TYR: variants seen among roughly 807,000 people sequenced by gnomAD.
The protein encoded by TYR is LB24-AB.
A neutral mutation model predicts 51.5 loss-of-function variants in TYR; 58 were observed. The observed-to-expected ratio is 1.13, with a 90% confidence interval of 0.91 to 1.40. TYR has a LOEUF of 1.40. Ranked by LOEUF, TYR falls within the 40% of genes most tolerant of loss-of-function variation. TYR has a pLI of 0.00. For synonymous variants in TYR, 263 were observed against 235.2 expected, an observed-to-expected ratio of 1.12 and a Z score of -1.08; for missense variants, 732 against 647.4, an observed-to-expected ratio of 1.13 and a Z score of -1.42.
At chr11:89,248,765 AC>A (rs1944297418) in intron 3 of TYR, among the ~76,000 whole-genome samples, 1 of 152,204 alleles carries the variant, frequency 6.6e-6, no homozygotes, top group Non-Finnish European at 1.5e-5. Flanking sequence ...TTCAAAAGTG[AC>A]ATGGATTACT....
intron 3 of TYR, among the ~76,000 whole-genome samples, chr11:89,267,001 T>C (rs1412344988): frequency 6.6e-6 from 1 of 151,896 alleles, no homozygotes; most frequent in Admixed American, 6.6e-5. Context: ...TCATTCAAAA[T>C]AAAGGAGTTC....
At chr11:89,236,283 G>A (rs1489835386) in intron 3 of TYR, among the ~76,000 whole-genome samples, 2 of 151,584 alleles carry the variant, frequency 1.3e-5, no homozygotes, top group Non-Finnish European at 2.9e-5. Flanking sequence ...GGTTTTTTCT[G>A]TAGCCCACCT....
At chr11:89,260,602 T>C (rs1259156223) in intron 3 of TYR, among the ~76,000 whole-genome samples, 1 of 152,080 alleles carries the variant, frequency 6.6e-6, no homozygotes, top group Admixed American at 6.6e-5. Flanking sequence ...CAGTGACTCA[T>C]CCACCAGAAA....
At chr11:89,187,855 A>G (rs1303719240) in intron 1 of TYR, among the ~76,000 whole-genome samples, 1 of 151,932 alleles carries the variant, frequency 6.6e-6, no homozygotes, top group African/African-American at 2.4e-5. Flanking sequence ...TTATATTTTG[A>G]TAGAGTTTAT....
At chr11:89,243,929 T>C (rs900788300) in intron 3 of TYR, among the ~76,000 whole-genome samples, 1 of 152,142 alleles carries the variant, frequency 6.6e-6, no homozygotes, top group Non-Finnish European at 1.5e-5. Context: ...CAAAAGCATA[T>C]GCATGTATAT....
intron 3 of TYR, among the ~76,000 whole-genome samples, chr11:89,237,454 A>C (rs1431787874): frequency 6.6e-6 from 1 of 152,128 alleles, no homozygotes; most frequent in East Asian, 1.9e-4. Context: ...TATATTGATG[A>C]GCCTATCCAT....
Position 89,212,815 on chromosome 11 carries a change from A to G in TYR, c.1037-15008A>G, listed in dbSNP as rs1943778387. Among the ~76,000 whole-genome samples, 3 of 152,240 alleles carry G rather than the reference A, an allele frequency of 2.0e-5. No homozygotes were observed. The South Asian group carries it at 6.2e-4, about 31-fold the overall frequency. Reference sequence around the variant, plus strand: ...AAATCAATAAATGTAAATCCATCACATAAACAGAACCAACCACAAAAACCA... The same window carrying G: ...AAATCAATAAATGTAAATCCATCACGTAAACAGAACCAACCACAAAAACCA... On this transcript the variant is annotated intron_variant, in intron 2 of 4. Coordinates refer to ENST00000263321, the MANE Select transcript of TYR (RefSeq NM_000372.5).
intron 3 of TYR, among the ~76,000 whole-genome samples, chr11:89,276,338 A>C (rs979751245): frequency 5.9e-5 from 9 of 151,784 alleles, no homozygotes; most frequent in African/African-American, 2.2e-4. Context: ...GCATCGCTTA[A>C]AACTTAGTCA....
intron 2 of TYR, chr11:89,192,080 C>T (rs764133257): frequency 5.1e-5 from 21 of 408,146 alleles, no homozygotes; most frequent in South Asian, 2.3e-4. Context: ...ATAGGTAAAG[C>T]CTCCCTCTCA....
intron 2 of TYR, among the ~76,000 whole-genome samples, chr11:89,202,160 T>C (rs180874378): frequency 1.3e-5 from 2 of 152,258 alleles, no homozygotes; most frequent in Admixed American, 1.3e-4. Flanking sequence ...TTAAACCTTA[T>C]TATCAATACA....
chr11:89,288,358 C>T (rs1944817071), intron 4 of TYR, among the ~76,000 whole-genome samples: 1 of 151,952 alleles, frequency 6.6e-6, no homozygotes, highest in Non-Finnish European at 1.5e-5. Context: ...ATCACTCCAT[C>T]ACTGCACAGA....
intron 3 of TYR, among the ~76,000 whole-genome samples, chr11:89,230,439 A>T (rs926079141): frequency 2.0e-5 from 3 of 152,128 alleles, no homozygotes; most frequent in Admixed American, 1.3e-4. Context: ...AGAAGAAAGC[A>T]TATGGTAAAA....
chr11:89,214,474 C>T (rs1488368962), intron 2 of TYR, among the ~76,000 whole-genome samples: 2 of 152,208 alleles, frequency 1.3e-5, no homozygotes, highest in Non-Finnish European at 1.5e-5. Context: ...GAGAGTGTGA[C>T]GATTCCTCAA....
At chr11:89,239,534 C>A (rs1944164172) in intron 3 of TYR, among the ~76,000 whole-genome samples, 1 of 151,774 alleles carries the variant, frequency 6.6e-6, no homozygotes, top group Non-Finnish European at 1.5e-5. Flanking sequence ...ATCTTTTGTG[C>A]TATTTTCATT....
At chr11:89,179,340 T>C (rs1943271052) in intron 1 of TYR, among the ~76,000 whole-genome samples, 1 of 152,192 alleles carries the variant, frequency 6.6e-6, no homozygotes, top group South Asian at 2.1e-4. Flanking sequence ...AATTATTGGA[T>C]TAGATCTTCA....
At chr11:89,292,330 T>C (rs1944861157) in intron 4 of TYR, among the ~76,000 whole-genome samples, 1 of 152,062 alleles carries the variant, frequency 6.6e-6, no homozygotes, top group Non-Finnish European at 1.5e-5. Context: ...GATGACAATA[T>C]ACTATTGGCC....
At chr11:89,241,754 T>A (rs1944197662) in intron 3 of TYR, among the ~76,000 whole-genome samples, 1 of 147,954 alleles carries the variant, frequency 6.8e-6, no homozygotes, top group Admixed American at 6.8e-5. Flanking sequence ...TATTAATATA[T>A]TTTATATTAT....
At chr11:89,189,790 C>A (rs1477787880) in intron 1 of TYR, among the ~76,000 whole-genome samples, 2 of 152,094 alleles carry the variant, frequency 1.3e-5, no homozygotes, top group East Asian at 3.9e-4. Context: ...GTGGTAGATG[C>A]AACACTAGAA....
At position 89,227,914 on chromosome 11, in the gene TYR, G is replaced by A; in HGVS notation, c.1128G>A (p.Gln376=). The A allele has an allele frequency of 6.2e-7, 1 of 1,613,596 alleles. No individual in the cohort carries two copies. The highest frequency in any genetic ancestry group is 1.1e-5 in the South Asian group (1 of 91,082). ...TCTATATGAATGGAACAATGTCCCAGGTACAGGGATCTGCCAACGATCCTA... is the reference window on the plus strand; with the variant it reads ...TCTATATGAATGGAACAATGTCCCAAGTACAGGGATCTGCCAACGATCCTA... The part of the protein sequence containing the change: ...LHIYMNGTMS[Q]VQGSANDPIF... The change falls in exon 3 of 5, where the codon CAG becomes CAA. Residue 376 remains glutamine (Q), a synonymous_variant. Coordinates refer to ENST00000263321, the MANE Select transcript of TYR (RefSeq NM_000372.5).
Sources: allele counts gnomAD v4.1 joint callset (sites outside exome capture counted in the v4.1 genomes callset), GRCh38; gene constraint gnomAD v4.1.1; transcripts MANE v1.5; gene names NCBI Gene and HGNC (gene_info 2026-07-23, HGNC 2026-07-21).